Variants in FOXP2 observed in about 807,000 individuals in gnomAD.
FOXP2 encodes the protein forkhead box P2.
Under a neutral mutation model 115.8 loss-of-function variants are expected in FOXP2, and 12 were observed. The observed-to-expected ratio is 0.10, with a 90% CI of 0.07 to 0.17. The LOEUF (loss-of-function observed/expected upper bound fraction) is 0.17. FOXP2 is among the 10% of genes least tolerant of loss of function. The pLI, the probability that FOXP2 is intolerant of heterozygous loss-of-function variation, is 1.00. For missense variants in FOXP2, 629 were observed against 843.5 expected (o/e 0.75, Z 3.15); for synonymous variants, 328 against 297.7 (o/e 1.10, Z -1.05).
At chr7:114,175,185 C>T (rs1370865217) in intron 1 of FOXP2, among the ~76,000 whole-genome samples, 1 of 151,896 alleles carries the variant, frequency 6.6e-6, no homozygotes, top group Non-Finnish European at 1.5e-5. Context: ...GTTATAAAGA[C>T]AAGATGGTAA....
chr7:114,599,238 G>C (rs1268153455), intron 3 of FOXP2, among the ~76,000 whole-genome samples: 3 of 152,062 alleles, frequency 2.0e-5, no homozygotes, highest in African/African-American at 4.8e-5. Context: ...GATTAAGGAA[G>C]TTCCCATCTG....
intron 10 of FOXP2, among the ~76,000 whole-genome samples, chr7:114,654,783 T>C (rs950688200): frequency 2.0e-5 from 3 of 152,126 alleles, no homozygotes; most frequent in African/African-American, 7.2e-5. Flanking sequence ...ATAAGGCCCC[T>C]GTATAGCCTG....
intron 2 of FOXP2, among the ~76,000 whole-genome samples, chr7:114,316,070 A>G (rs931425232): frequency 6.6e-6 from 1 of 152,132 alleles, no homozygotes; most frequent in Non-Finnish European, 1.5e-5. Flanking sequence ...TGAAAAAGAC[A>G]TTTGTTTACA....
chr7:114,421,180 TA>T (rs1303346273), intron 1 of FOXP2, among the ~76,000 whole-genome samples: 3 of 151,610 alleles, frequency 2.0e-5, no homozygotes, highest in Non-Finnish European at 4.4e-5. Flanking sequence ...GCATAGGGAT[TA>T]AATACTTAAT....
At chr7:114,626,303 A>T (rs1165525243) in intron 3 of FOXP2, among the ~76,000 whole-genome samples, 2 of 151,838 alleles carry the variant, frequency 1.3e-5, no homozygotes, top group African/African-American at 4.8e-5. Flanking sequence ...GTCATATTAT[A>T]TGTATAAGCT....
At chr7:114,505,866 G>A (rs1286292794) in intron 2 of FOXP2, among the ~76,000 whole-genome samples, 1 of 151,598 alleles carries the variant, frequency 6.6e-6, no homozygotes, top group Non-Finnish European at 1.5e-5. Context: ...TAGACCTGCT[G>A]TATATTTCTA....
intron 2 of FOXP2, among the ~76,000 whole-genome samples, chr7:114,451,811 A>C (rs578199851): frequency 2.0e-5 from 3 of 152,208 alleles, no homozygotes; most frequent in Admixed American, 6.5e-5. Context: ...CCAGATTGAG[A>C]AAGTGACAAT....
Position 114,693,502 on chromosome 7 carries a change from GC to G in FOXP2, c.*3577del. On this transcript the variant is annotated 3_prime_UTR_variant, in exon 17 of 17. Coordinates refer to ENST00000350908, the MANE Select transcript of FOXP2 (RefSeq NM_014491.4). ...AGTATTAACACACATTTGGACAATAGCTTTATTAAGTCTATAAAGCTATTGA... is the reference window on the plus strand; with the variant it reads ...AGTATTAACACACATTTGGACAATAGTTTATTAAGTCTATAAAGCTATTGA... 1 of 452,274 alleles carries G rather than the reference GC, an allele frequency of 2.2e-6. No homozygotes were observed. Among genetic ancestry groups the G allele is most frequent in the South Asian group, 1.6e-5 (1 of 64,152 alleles). The allele number at this position is 452,274 out of a possible 1,614,324, so 28.0% of individuals were successfully genotyped here.
At chr7:114,406,520 C>A (rs892514509) in intron 2 of FOXP2, among the ~76,000 whole-genome samples, 4 of 151,914 alleles carry the variant, frequency 2.6e-5, no homozygotes, top group Admixed American at 2.0e-4. Flanking sequence ...ATCCATTATA[C>A]ATGACTTATT....
chr7:114,096,986 T>A (rs1412277560), intron 1 of FOXP2, among the ~76,000 whole-genome samples: 1 of 150,184 alleles, frequency 6.7e-6, no homozygotes, highest in Non-Finnish European at 1.5e-5. Flanking sequence ...CATTTAATTT[T>A]AAAATAATAC....
At chr7:114,518,125 G>A (rs1562971659) in intron 2 of FOXP2, among the ~76,000 whole-genome samples, 1 of 151,864 alleles carries the variant, frequency 6.6e-6, no homozygotes, top group Admixed American at 6.6e-5. Flanking sequence ...AAACATCCCA[G>A]GTAACCCATG....
intron 2 of FOXP2, among the ~76,000 whole-genome samples, chr7:114,334,596 A>G (rs1797795239): frequency 6.6e-6 from 1 of 151,014 alleles, no homozygotes; most frequent in Admixed American, 6.6e-5. Context: ...AAGTTAGTGG[A>G]AAAAAATCCA....
chr7:114,304,040 A>C (rs1413780464), intron 2 of FOXP2, among the ~76,000 whole-genome samples: 3 of 152,162 alleles, frequency 2.0e-5, no homozygotes, highest in Non-Finnish European at 4.4e-5. Flanking sequence ...AACATAGTAC[A>C]TTGTAGTCTG....
At chr7:114,144,690 G>A (rs1792317818) in intron 1 of FOXP2, among the ~76,000 whole-genome samples, 1 of 151,946 alleles carries the variant, frequency 6.6e-6, no homozygotes, top group South Asian at 2.1e-4. Flanking sequence ...TCACCTGAGG[G>A]AGCCATGCTG....
chr7:114,116,032 T>G (rs1451148505), intron 1 of FOXP2, among the ~76,000 whole-genome samples: 1 of 152,210 alleles, frequency 6.6e-6, no homozygotes, highest in Non-Finnish European at 1.5e-5. Context: ...TTTTTTGCTT[T>G]TTGTTTGGTT....
Position 114,397,261 on chromosome 7 carries a change from A to C in FOXP2, c.-10-29241A>C, listed in dbSNP as rs571272688. Among the ~76,000 whole-genome samples the C allele has an allele frequency of 2.0e-5, 3 of 152,304 alleles. No individual in the cohort carries two copies. In the East Asian group the frequency reaches 5.8e-4, roughly 29 times the overall value. ...ACAGTAAATGGGAAAACATCCATTT[A>C]TTTATATATTCAGTCAACAATTATT... On this transcript the variant is annotated intron_variant, in intron 2 of 17. Transcript: ENST00000634411.
At position 114,372,257 on chromosome 7, in the gene FOXP2, A is replaced by T. The variant is rs536197647; in HGVS notation, c.-10-54245A>T. On this transcript the variant is annotated intron_variant, in intron 2 of 17. Transcript: ENST00000634411. Reference sequence around the variant, plus strand: ...CTTCCTAAATCCTTATATTCTATTTAAAAAAAACTGTTTGAAAGCATTAAC... The same window carrying T: ...CTTCCTAAATCCTTATATTCTATTTTAAAAAAACTGTTTGAAAGCATTAAC... 6.8e-4 allele frequency among the ~76,000 whole-genome samples: 103 copies of T among 152,076 alleles called. 1 individual carries two copies. The highest frequency in any genetic ancestry group is 3.4e-3 in the Middle Eastern group (1 of 292).
chr7:114,412,303 T>C (rs1257306104), upstream of FOXP2, among the ~76,000 whole-genome samples: 3 of 152,134 alleles, frequency 2.0e-5, no homozygotes, highest in Admixed American at 1.3e-4. Flanking sequence ...AATGTAGTCA[T>C]AGTCTTTTAT....
At chr7:114,406,872 TA>T (rs1181400829) in intron 2 of FOXP2, among the ~76,000 whole-genome samples, 1 of 152,022 alleles carries the variant, frequency 6.6e-6, no homozygotes, top group Non-Finnish European at 1.5e-5. Context: ...TATATTTTCC[TA>T]TGGTAATTTA....
Sources: gnomAD v4.1 joint callset for allele counts (sites outside exome capture counted in the v4.1 genomes callset) on GRCh38, gnomAD v4.1.1 for gene constraint, MANE v1.5 for transcripts, NCBI Gene and HGNC (gene_info 2026-07-23, HGNC 2026-07-21) for gene names.